DBF4B: variants seen among roughly 807,000 people sequenced by gnomAD.
The protein encoded by DBF4B is DBF4B-CDC7 kinase regulatory subunit, also known as protein DBF4 homolog B.
In DBF4B, 49 loss-of-function variants were observed where a neutral mutation model predicts 53.4. The observed-to-expected ratio is 0.92, with a 90% CI of 0.73 to 1.16. DBF4B has a LOEUF of 1.16. Among genes scored for constraint, DBF4B ranks in the 50% most tolerant of loss-of-function variants. The pLI is 0.00. For missense variants in DBF4B, 692 were observed against 775.0 expected (o/e 0.89, Z 1.27); for synonymous variants, 257 against 288.7 (o/e 0.89, Z 1.11).
chr17:44,734,220 C>A (rs1975131472), intron 7 of DBF4B, 57 bp downstream of exon 7: 1 of 1,608,606 alleles, frequency 6.2e-7, no homozygotes, highest in African/African-American at 1.3e-5. Flanking sequence ...AAATCAGTGA[C>A]AACTTAGGTA....
chr17:44,726,292 T>TTTTA (rs377668647), intron 3 of DBF4B, among the ~76,000 whole-genome samples: 24,269 of 131,854 alleles, frequency 0.18, 2,313 homozygotes, highest in Middle Eastern at 0.24. Flanking sequence ...CCCGGCCCTT[T>TTTTA]TTTATTTATT....
chr17:44,738,493 C>T (rs2145050936), intron 9 of DBF4B, 69 bp downstream of exon 9: 1 of 1,507,644 alleles, frequency 6.6e-7, no homozygotes, highest in Non-Finnish European at 9.1e-7. Flanking sequence ...GGGAGGGGTG[C>T]TCAGGGGCCT....
chr17:44,725,116 C>CAAAAAAAAA (rs57821218), intron 3 of DBF4B, among the ~76,000 whole-genome samples: 3 of 47,598 alleles, frequency 6.3e-5, no homozygotes, highest in South Asian at 7.7e-4. Flanking sequence ...GACTCCATCT[C>CAAAAAAAAA]AAAAAAAAAA....
chr17:44,728,347 G>T (rs900630038), intron 3 of DBF4B, among the ~76,000 whole-genome samples: 1 of 152,012 alleles, frequency 6.6e-6, no homozygotes, highest in Non-Finnish European at 1.5e-5. Flanking sequence ...AGATTGAAGG[G>T]CATAAAAAAG....
At chr17:44,744,081 A>ACCCCC (rs71361595) in intron 10 of DBF4B, among the ~76,000 whole-genome samples, 1 of 8,702 alleles carries the variant, frequency 1.1e-4, no homozygotes, top group African/African-American at 5.3e-4. Flanking sequence ...TAATGAGACC[A>ACCCCC]CCCCCCCCCC....
chr17:44,729,874 G>GT (rs773086336), intron 3 of DBF4B, 31 bp from the exon 4 acceptor site: 20 of 1,598,218 alleles, frequency 1.3e-5, no homozygotes, highest in Non-Finnish European at 1.5e-5. Flanking sequence ...TTGCTTTTTG[G>GT]TTTTCAGCCA....
At chr17:44,736,673 G>A (rs962690511) in intron 7 of DBF4B, among the ~76,000 whole-genome samples, 157 bp from the exon 8 acceptor site, 1 of 152,114 alleles carries the variant, frequency 6.6e-6, no homozygotes. Flanking sequence ...TTGTGCCCAG[G>A]TCTGCTCCAG....
Position 44,729,914 on chromosome 17 carries a change from G to C in DBF4B, c.235G>C (p.Gly79Arg). ...TGTGATCTGGTTTCAGGTAATTGAG[G>C]GTTTTCTGAGCAAAGAAGTAAGTTA... Reference protein sequence around the residue: ...AIQQLGGVIEGFLSKEVSYIV... With the variant: ...AIQQLGGVIERFLSKEVSYIV... Residue 79 changes from glycine (G) to arginine (R), a missense_variant, in exon 4 of 14, where the codon GGT becomes CGT. Transcript: ENST00000315005. 6.2e-7 allele frequency: 1 copy of C among 1,613,820 alleles called. No individual in the cohort carries two copies. Among genetic ancestry groups the C allele is most frequent in the Non-Finnish European group, 8.5e-7 (1 of 1,179,886 alleles).
intron 7 of DBF4B, 132 bp from the exon 8 acceptor site, chr17:44,736,698 G>A: frequency 3.3e-6 from 3 of 920,728 alleles, no homozygotes; most frequent in Non-Finnish European, 5.3e-6. Flanking sequence ...GGGCCTGAGA[G>A]TCTGGTTCTG....
chr17:44,717,762 C>A (rs1973454763), intron 2 of DBF4B, among the ~76,000 whole-genome samples: 2 of 150,660 alleles, frequency 1.3e-5, no homozygotes, highest in South Asian at 4.2e-4. Flanking sequence ...TGCTTGTAAT[C>A]CCAGCACTTT....
At chr17:44,743,637 G>A (rs1382460575) in intron 10 of DBF4B, among the ~76,000 whole-genome samples, 1 of 136,838 alleles carries the variant, frequency 7.3e-6, no homozygotes, top group African/African-American at 2.8e-5. Context: ...TTGAGAATGA[G>A]TCCCACACTG....
intron 3 of DBF4B, among the ~76,000 whole-genome samples, chr17:44,724,974 G>C (rs1452698849): frequency 6.6e-6 from 1 of 152,056 alleles, no homozygotes; most frequent in Non-Finnish European, 1.5e-5. Flanking sequence ...AAATTAGCCG[G>C]GTGTGGCGGC....
At chr17:44,715,265 A>G (rs1158248916) in intron 2 of DBF4B, among the ~76,000 whole-genome samples, 1 of 152,052 alleles carries the variant, frequency 6.6e-6, no homozygotes, top group Non-Finnish European at 1.5e-5. Flanking sequence ...CAATGGTGCA[A>G]TCTCAGCTCA....
chr17:44,716,712 G>A (rs898134814), intron 2 of DBF4B, among the ~76,000 whole-genome samples: 1 of 152,100 alleles, frequency 6.6e-6, no homozygotes, highest in African/African-American at 2.4e-5. Context: ...TAAGAACCAC[G>A]GCTCTAGTCT....
At chr17:44,741,476 A>G (rs1244562097) in intron 10 of DBF4B, 24 bp downstream of exon 10, 21 of 1,515,708 alleles carry the variant, frequency 1.4e-5, no homozygotes, top group Non-Finnish European at 1.9e-5. Flanking sequence ...GTTCCTGAGT[A>G]CCAAGGGCTG....
chr17:44,749,023 G>A lies in DBF4B; in HGVS notation c.1189+558G>A, dbSNP rs1447418614. 7.8e-7 allele frequency: 1 copy of A among 1,289,738 alleles called. No homozygotes were observed. Among genetic ancestry groups the A allele is most frequent in the African/African-American group, 1.5e-5 (1 of 65,862 alleles). 79.9% of individuals were successfully genotyped at this position (1,289,738 alleles called of 1,614,324 possible). ...AGGGCCTGAGGATTCTGAGTGTACA[G>A]CCACTGGCCCTGTATCCCAGGAGGC... On this transcript the variant is annotated intron_variant, in intron 13 of 13. Coordinates refer to ENST00000315005, the MANE Select transcript of DBF4B (RefSeq NM_145663.3). The surrounding 1 kb of genome is among the most constrained non-coding windows in gnomAD (Gnocchi z 4.4).
intron 13 of DBF4B, 125 bp downstream of exon 13, chr17:44,748,590 G>A: frequency 6.5e-7 from 1 of 1,536,968 alleles, no homozygotes; most frequent in Non-Finnish European, 8.8e-7. Flanking sequence ...ATGTGTTTGT[G>A]GACCCCCCAG....
rs144844642 is a variant in DBF4B at position 44,732,125 on chromosome 17, T to G, written c.469-53T>G. On this transcript the variant is annotated intron_variant, in intron 5 of 13. Transcript: ENST00000315005. ...AGCAATTTCTATCTGTCCCCTTCAC[T>G]TTCAGGCCTTGGGGAGTCTCTGCTC... 370 of 1,588,622 alleles carry G rather than the reference T, an allele frequency of 2.3e-4. 1 individual carries two copies. The African/African-American group carries it at 4.4e-3, about 19-fold the overall frequency.
intron 2 of DBF4B, among the ~76,000 whole-genome samples, chr17:44,721,215 T>TCC (rs780356556): frequency 1.1e-5 from 1 of 93,652 alleles, no homozygotes; most frequent in African/African-American, 6.5e-5. Context: ...CAACTAATTC[T>TCC]TCCCCCCCCC....
Sources: allele counts gnomAD v4.1 joint callset (sites outside exome capture counted in the v4.1 genomes callset), GRCh38; gene constraint gnomAD v4.1.1; non-coding constraint Gnocchi (gnomAD v3.1); transcripts MANE v1.5; gene names NCBI Gene and HGNC (gene_info 2026-07-23, HGNC 2026-07-21).